The following CAPN14 variants were observed in gnomAD, a reference collection of about 807,000 sequenced individuals.
CAPN14 encodes the protein calpain-14.
A neutral mutation model predicts 101.3 loss-of-function variants in CAPN14; 94 were observed. The ratio of observed to expected loss-of-function variants is 0.93; its 90% CI spans 0.79 to 1.10. The LOEUF (loss-of-function observed/expected upper bound fraction) is 1.10. Ranked by LOEUF, CAPN14 falls within the 50% of genes least tolerant of loss-of-function variation. The probability of loss-of-function intolerance (pLI) is 0.00; values close to 1 mark genes in which losing one functional copy is unlikely to be tolerated. For synonymous variants in CAPN14, 338 were observed against 317.9 expected (o/e 1.06, Z -0.67); for missense variants, 837 against 828.4 (o/e 1.01, Z -0.13).
intron 1 of CAPN14, among the ~76,000 whole-genome samples, chr2:31,233,273 C>A (rs555105903): frequency 2.6e-5 from 4 of 152,292 alleles, no homozygotes; most frequent in African/African-American, 9.6e-5. Flanking sequence ...CTTCCTAAAC[C>A]CTACACTCCA....
In CAPN14 at chr2:31,194,465, C is replaced by A. The variant is rs1395263835; in HGVS notation, c.894G>T (p.Leu298=). ...DWSDSSSKWE[L]LSPKEKILLL... is the part of the protein sequence containing the mutation. ...GCAGAATCTTCTCCTTGGGGCTCAG[C>A]AGCTCCCATTTACTTGAACTGAAAA... Residue 298 remains leucine (L), a synonymous_variant, in exon 9 of 22, where the codon CTG becomes CTT. Coordinates refer to ENST00000403897, the MANE Select transcript of CAPN14 (RefSeq NM_001145122.2). The A allele has an allele frequency of 1.3e-6, 2 of 1,551,346 alleles. No homozygotes were observed. Among genetic ancestry groups the A allele is most frequent in the Non-Finnish European group, 1.7e-6 (2 of 1,146,720 alleles).
chr2:31,203,265 A>G, intron 2 of CAPN14, 126 bp from the exon 3 acceptor site: 1 of 681,036 alleles, frequency 1.5e-6, no homozygotes, highest in South Asian at 1.8e-5. Flanking sequence ...TATAGGTGTA[A>G]TCAGTGCTAT....
chr2:31,177,432 T>C (rs544256675), intron 19 of CAPN14, among the ~76,000 whole-genome samples: 126 of 152,340 alleles, frequency 8.3e-4, no homozygotes, highest in African/African-American at 2.8e-3. Flanking sequence ...CAAAAGTACC[T>C]GCTTGGGAGC....
At chr2:31,233,739 T>C (rs1683264554) in intron 1 of CAPN14, 1 of 149,058 alleles carries the variant, frequency 6.7e-6, no homozygotes, top group Admixed American at 6.6e-5. Flanking sequence ...AACCTGATAG[T>C]GGATCCCCTT....
At chr2:31,218,119 T>C (rs1682734733), upstream of CAPN14, among the ~76,000 whole-genome samples, 1 of 152,174 alleles carries the variant, frequency 6.6e-6, no homozygotes, top group South Asian at 2.1e-4. Flanking sequence ...GACCTCCCAC[T>C]GGTTGTCTCC....
At chr2:31,233,943 C>G (rs568652209), upstream of CAPN14, 1 of 152,924 alleles carries the variant, frequency 6.5e-6, no homozygotes, top group South Asian at 2.1e-4. Flanking sequence ...GACACCGGCA[C>G]TCTCCCACTG....
At position 31,182,802 on chromosome 2, in the gene CAPN14, C is replaced by A. The variant is rs924464088; in HGVS notation, c.1646-1802G>T. On this transcript the variant is annotated intron_variant, in intron 16 of 21. Coordinates refer to ENST00000403897, the MANE Select transcript of CAPN14 (RefSeq NM_001145122.2). ...TTCAATGCCATCCCCATCAAGCTAC[C>A]AATGACTTTCTTCACAGAATTGGAA... Among the ~76,000 whole-genome samples, 10 of 151,860 alleles carry A rather than the reference C, an allele frequency of 6.6e-5. No individual in the cohort carries two copies. The South Asian group carries it at 8.3e-4, about 13-fold the overall frequency.
At chr2:31,202,297 T>C in intron 3 of CAPN14, 45 bp from the exon 4 acceptor site, 2 of 1,455,602 alleles carry the variant, frequency 1.4e-6, no homozygotes, top group Non-Finnish European at 1.9e-6. Flanking sequence ...TACTGGGGAC[T>C]TTATGACTGC....
In CAPN14 at chr2:31,205,297, C is replaced by T. The variant is rs1461862362; in HGVS notation, c.151G>A (p.Ala51Thr). ...CCACTGCCGATGGAGCTCAGGGTGGCCGGGAAGCTGGTGTCTTCAAAGAGG... is the reference window on the plus strand; with the variant it reads ...CCACTGCCGATGGAGCTCAGGGTGGTCGGGAAGCTGGTGTCTTCAAAGAGG... ...GCLFEDTSFP[A>T]TLSSIGSGSL... The change falls in exon 2 of 22, where the codon GCC becomes ACC. Residue 51 changes from alanine to threonine, a missense_variant. Ala to Thr is a moderately conservative substitution (Grantham distance 58). Coordinates refer to ENST00000403897, the MANE Select transcript of CAPN14 (RefSeq NM_001145122.2). 7 of 1,550,408 alleles carry T rather than the reference C, an allele frequency of 4.5e-6. No individual in the cohort carries two copies. Among genetic ancestry groups the T allele is most frequent in the South Asian group, 2.4e-5 (2 of 83,988 alleles).
At chr2:31,197,721 G>A (rs2148686616) in intron 7 of CAPN14, among the ~76,000 whole-genome samples, 1 of 152,256 alleles carries the variant, frequency 6.6e-6, no homozygotes, top group East Asian at 1.9e-4. Flanking sequence ...GATCAGGGTG[G>A]GCCCTAAATC....
chr2:31,214,622 G>T (rs1306019508), intron 1 of CAPN14, among the ~76,000 whole-genome samples: 1 of 152,136 alleles, frequency 6.6e-6, no homozygotes, highest in African/African-American at 2.4e-5. Context: ...TGCCTCTATG[G>T]AGGTCTAAGA....
At chr2:31,220,227 T>G (rs1340273812), upstream of CAPN14, among the ~76,000 whole-genome samples, 1 of 152,048 alleles carries the variant, frequency 6.6e-6, no homozygotes, top group Non-Finnish European at 1.5e-5. Context: ...TAAAATAGAG[T>G]ACTGAGATAG....
intron 5 of CAPN14, 54 bp downstream of exon 5, chr2:31,201,808 T>C (rs1681795607): frequency 6.5e-7 from 1 of 1,540,658 alleles, no homozygotes; most frequent in African/African-American, 1.4e-5. Flanking sequence ...CCCTCAACAT[T>C]GAGAGAGAGA....
chr2:31,198,686 C>A lies in CAPN14; in HGVS notation c.789+784G>T, dbSNP rs181892060. Among the ~76,000 whole-genome samples, 12 of 152,276 alleles carry A rather than the reference C, an allele frequency of 7.9e-5. No individual in the cohort carries two copies. In the East Asian group the frequency reaches 2.3e-3, roughly 29 times the overall value. On this transcript the variant is annotated intron_variant, in intron 7 of 21. Coordinates refer to ENST00000403897, the MANE Select transcript of CAPN14 (RefSeq NM_001145122.2). ...TGAATTGAGTCCAAGAAATTTGAAA[C>A]AGAGTTAAAGGAAACTGGAGTACTT... is the stretch of plus-strand genomic sequence containing the variant.
chr2:31,210,046 A>G (rs1682308015), intron 1 of CAPN14, among the ~76,000 whole-genome samples: 2 of 152,204 alleles, frequency 1.3e-5, no homozygotes, highest in Non-Finnish European at 1.5e-5. Flanking sequence ...TGAAGGCTTT[A>G]CAAAGGGTGG....
intron 1 of CAPN14, among the ~76,000 whole-genome samples, chr2:31,212,186 C>G (rs1374015321): frequency 6.6e-6 from 1 of 151,724 alleles, no homozygotes; most frequent in Non-Finnish European, 1.5e-5. Context: ...GGTGGGCGCC[C>G]GTAATCCCAG....
In CAPN14 at chr2:31,183,039, A is replaced by G. The variant is rs1480093986; in HGVS notation, c.1646-2039T>C. On this transcript the variant is annotated intron_variant, in intron 16 of 21. Coordinates refer to ENST00000403897, the MANE Select transcript of CAPN14 (RefSeq NM_001145122.2). The stretch of plus-strand genomic sequence containing the variant: ...CCCTCAGAAATAACGCCGCTTGTCT[A>G]TAACTATCTGATCTTTGACAAACCT... Among the ~76,000 whole-genome samples the G allele has an allele frequency of 3.9e-5, 6 of 152,256 alleles. No homozygotes were observed. The East Asian group carries it at 7.7e-4, about 20-fold the overall frequency.
At chr2:31,181,406 C>CTTTCTTTCTTTCTTTCT (rs1558612356) in intron 16 of CAPN14, among the ~76,000 whole-genome samples, 4 of 114,972 alleles carry the variant, frequency 3.5e-5, no homozygotes, top group Non-Finnish European at 5.9e-5. Context: ...TTTTTTCTTT[C>CTTTCTTTCTTTCTTTCT]TTTCTTTCTT....
upstream of CAPN14, among the ~76,000 whole-genome samples, chr2:31,218,824 A>C (rs909952946): frequency 6.6e-6 from 1 of 152,182 alleles, no homozygotes; most frequent in African/African-American, 2.4e-5. Flanking sequence ...CCACTGTCAA[A>C]TCAAATCCAA....
Sources: gnomAD v4.1 joint callset for allele counts (sites outside exome capture counted in the v4.1 genomes callset) on GRCh38, gnomAD v4.1.1 for gene constraint, MANE v1.5 for transcripts, NCBI Gene and HGNC (gene_info 2026-07-23, HGNC 2026-07-21) for gene names.